Variants in GALNT3 observed in about 807,000 individuals in gnomAD.
The protein encoded by GALNT3 is GalNAc transferase 3.
A neutral mutation model predicts 69.8 loss-of-function variants in GALNT3; 51 were observed. That is an observed-to-expected ratio of 0.73 (90% CI 0.58 to 0.92). The LOEUF is 0.92. Among genes scored for constraint, GALNT3 ranks in the 40% least tolerant of loss-of-function variants. The pLI, the probability that GALNT3 is intolerant of heterozygous loss-of-function variation, is 0.00. For synonymous variants in GALNT3, 265 were observed against 248.5 expected, an observed-to-expected ratio of 1.07 and a Z score of -0.63; for missense variants, 711 against 760.0, an observed-to-expected ratio of 0.94 and a Z score of 0.76.
In GALNT3 at chr2:165,752,476, A is replaced by G. The variant is rs958054237; in HGVS notation, c.1626+2151T>C. ...ACTACGGTAACAGTCAGTACAAGCT[A>G]CTTTATAGGTTCTAAACAAACACTT... On this transcript the variant is annotated intron_variant, in intron 9 of 10. Coordinates refer to ENST00000392701, the MANE Select transcript of GALNT3 (RefSeq NM_004482.4). Among the ~76,000 whole-genome samples, 4 of 152,180 alleles carry G rather than the reference A, an allele frequency of 2.6e-5. No homozygotes were observed. The East Asian group carries it at 5.8e-4, about 22-fold the overall frequency.
At chr2:165,760,678 C>T (rs963776768) in intron 4 of GALNT3, among the ~76,000 whole-genome samples, 1 of 152,144 alleles carries the variant, frequency 6.6e-6, no homozygotes, top group Non-Finnish European at 1.5e-5. Context: ...AATGTGATGG[C>T]TCTAAGCAAC....
intron 7 of GALNT3, among the ~76,000 whole-genome samples, chr2:165,756,783 G>C (rs1331115976): frequency 6.6e-6 from 1 of 152,128 alleles, no homozygotes; most frequent in East Asian, 1.9e-4. Flanking sequence ...AATTTTCTTC[G>C]AGTAAAATAT....
Position 165,759,510 on chromosome 2 carries a change from G to A in GALNT3, c.899C>T (p.Ala300Val). ...GGATGCAATATCTGGACTTACGACA[G>A]CCGTGTAGTTCTCAGCTATTCTGGC... ...LLARIAENYT[A>V]VVSPDIASID... is the part of the protein sequence containing the mutation. The change falls in exon 5 of 11, where the codon GCT becomes GTT. Residue 300 changes from alanine to valine, a missense_variant. Transcript: ENST00000392701. 6.2e-7 allele frequency: 1 copy of A among 1,614,016 alleles called. No homozygotes were observed. Among genetic ancestry groups the A allele is most frequent in the Non-Finnish European group, 8.5e-7 (1 of 1,180,002 alleles).
intron 9 of GALNT3, among the ~76,000 whole-genome samples, chr2:165,752,364 A>G (rs954641424): frequency 2.6e-5 from 4 of 152,154 alleles, no homozygotes; most frequent in Admixed American, 2.0e-4. Context: ...CTTACCTGCT[A>G]TATTTTTCTT....
intron 1 of GALNT3, among the ~76,000 whole-genome samples, chr2:165,786,030 A>T (rs140228936): frequency 6.6e-6 from 1 of 152,130 alleles, no homozygotes; most frequent in East Asian, 1.9e-4. Context: ...TGTAGTAAAC[A>T]ATATCTATGT....
chr2:165,758,708 G>T, intron 6 of GALNT3, 39 bp downstream of exon 6: 1 of 1,167,304 alleles, frequency 8.6e-7, no homozygotes, highest in Non-Finnish European at 1.3e-6. Flanking sequence ...ATATTTCATT[G>T]TTTAATATAT....
Position 165,759,409 on chromosome 2 carries a change from T to G in GALNT3, c.1000A>C (p.Ser334Arg). The G allele has an allele frequency of 6.2e-7, 1 of 1,614,006 alleles. No homozygotes were observed. Among genetic ancestry groups the G allele is most frequent in the African/African-American group, 1.3e-5 (1 of 75,012 alleles). Residue 334 changes from serine (S) to arginine (R), a missense_variant, in exon 5 of 11, where the codon AGT becomes CGT. Physicochemically the swap from Ser to Arg is moderately radical, Grantham distance 110. Coordinates refer to ENST00000392701, the MANE Select transcript of GALNT3 (RefSeq NM_004482.4). ...AGCGACTCCCAGCCAAATGAAAGAC[T>G]CCAGTCAAAATTTCCACGGTTATGG... ...SNHNRGNFDW[S>R]LSFGWESLPD...
At chr2:165,784,920 C>T (rs971507725) in intron 1 of GALNT3, among the ~76,000 whole-genome samples, 3 of 152,102 alleles carry the variant, frequency 2.0e-5, no homozygotes, top group Non-Finnish European at 2.9e-5. Flanking sequence ...CTATGAGAAA[C>T]CCTGTCTGCT....
chr2:165,760,584 G>T (rs1688527865), intron 4 of GALNT3, among the ~76,000 whole-genome samples: 1 of 152,180 alleles, frequency 6.6e-6, no homozygotes, highest in Non-Finnish European at 1.5e-5. Context: ...CCAGAGGATG[G>T]TATTTTCCTT....
intron 1 of GALNT3, among the ~76,000 whole-genome samples, chr2:165,792,063 A>G (rs1191895963): frequency 4.6e-5 from 7 of 152,218 alleles, no homozygotes; most frequent in African/African-American, 7.2e-5. Context: ...TGATCATGCC[A>G]TCTCTGAGTG....
chr2:165,753,967 A>T (rs1688398293), intron 9 of GALNT3, among the ~76,000 whole-genome samples: 1 of 152,242 alleles, frequency 6.6e-6, no homozygotes, highest in Non-Finnish European at 1.5e-5. Flanking sequence ...AAACTTGCAA[A>T]ATCACCATGC....
Position 165,749,737 on chromosome 2 carries a change from G to T in GALNT3, c.1779+5C>A. On this transcript the variant is annotated splice_donor_5th_base_variant and intron_variant, in intron 10 of 10. Coordinates refer to ENST00000392701, the MANE Select transcript of GALNT3 (RefSeq NM_004482.4). ...TAAATAGATGAATTAATTGCACTGA[G>T]GTACCTTCTGGATCTCCCATATCTG... The T allele has an allele frequency of 6.2e-7, 1 of 1,612,692 alleles. No homozygotes were observed. Among genetic ancestry groups the T allele is most frequent in the Non-Finnish European group, 8.5e-7 (1 of 1,178,810 alleles).
In GALNT3 at chr2:165,765,075, G is replaced by T. The variant is rs1277551004; in HGVS notation, c.516-19C>A. Reference sequence around the variant, plus strand: ...AATACATCTAGAAGAAGTCAGAGAAGTAGAAAAACAATTACAAATTTTATT... The same window carrying T: ...AATACATCTAGAAGAAGTCAGAGAATTAGAAAAACAATTACAAATTTTATT... On this transcript the variant is annotated intron_variant, in intron 2 of 10. Transcript: ENST00000392701. 3 of 1,606,094 alleles carry T rather than the reference G, an allele frequency of 1.9e-6. No individual in the cohort carries two copies. In the African/African-American group the frequency reaches 4.0e-5, roughly 21 times the overall value.
chr2:165,764,976 G>A lies in GALNT3; in HGVS notation c.596C>T (p.Ser199Phe). The change falls in exon 3 of 11, where the codon TCC becomes TTC. Residue 199 changes from serine to phenylalanine, a missense_variant. By Grantham distance (155) the Ser-to-Phe change is radical. Coordinates refer to ENST00000392701, the MANE Select transcript of GALNT3 (RefSeq NM_004482.4). ...ACTGTGGACAGTTCTAAGCAACGTG[G>A]ACCACGCTTCATTATGAAAAACTAT... ...VIIVFHNEAW[S>F]TLLRTVHSVL... The A allele has an allele frequency of 6.2e-7, 1 of 1,614,138 alleles. No individual in the cohort carries two copies. Among genetic ancestry groups the A allele is most frequent in the Non-Finnish European group, 8.5e-7 (1 of 1,179,972 alleles).
chr2:165,766,079 T>A (rs535815518), intron 2 of GALNT3, among the ~76,000 whole-genome samples: 1 of 152,316 alleles, frequency 6.6e-6, no homozygotes, highest in African/African-American at 2.4e-5. Flanking sequence ...ATGTCCAGCC[T>A]AAACCTATCT....
At chr2:165,781,591 C>A (rs1683112805) in intron 1 of GALNT3, among the ~76,000 whole-genome samples, 1 of 151,412 alleles carries the variant, frequency 6.6e-6, no homozygotes, top group African/African-American at 2.4e-5. Context: ...GAATGATACT[C>A]CCTCTCAAAA....
chr2:165,754,520 C>A, intron 9 of GALNT3, 107 bp downstream of exon 9: 1 of 807,722 alleles, frequency 1.2e-6, no homozygotes, highest in Non-Finnish European at 2.1e-6. Context: ...ATTTCACACA[C>A]AGCTTACCCA....
At chr2:165,770,032 A>G in intron 2 of GALNT3, 154 bp downstream of exon 2, 2 of 866,040 alleles carry the variant, frequency 2.3e-6, no homozygotes, top group South Asian at 1.4e-5. Flanking sequence ...CTCAATCATT[A>G]TAAGCAAAAA....
At chr2:165,760,274 T>C (rs762947689) in intron 4 of GALNT3, among the ~76,000 whole-genome samples, 1 of 152,198 alleles carries the variant, frequency 6.6e-6, no homozygotes, top group Non-Finnish European at 1.5e-5. Context: ...GGAGTCAGTA[T>C]AAATTCCGAT....
Sources: gnomAD v4.1 joint callset for allele counts (sites outside exome capture counted in the v4.1 genomes callset) on GRCh38, gnomAD v4.1.1 for gene constraint, MANE v1.5 for transcripts, NCBI Gene and HGNC (gene_info 2026-07-23, HGNC 2026-07-21) for gene names.